Variants in SV2C observed in about 807,000 individuals in gnomAD.
SV2C encodes the protein synaptic vesicle glycoprotein 2C.
SV2C carries 49 observed loss-of-function variants against 79.7 expected under a neutral mutation model. That is an observed-to-expected ratio of 0.61 (90% CI 0.49 to 0.78). The LOEUF (loss-of-function observed/expected upper bound fraction) is 0.78. Ranked by LOEUF, SV2C falls within the 30% of genes least tolerant of loss-of-function variation. The pLI, the probability that SV2C is intolerant of heterozygous loss-of-function variation, is 0.00. For synonymous variants in SV2C, 334 were observed against 333.2 expected, an observed-to-expected ratio of 1.00 and a Z score of -0.03; for missense variants, 833 against 912.9, an observed-to-expected ratio of 0.91 and a Z score of 1.13.
At chr5:75,880,407 G>T in the SV2C span, among the ~76,000 whole-genome samples, 99 of 152,246 alleles carry the variant, frequency 6.5e-4, no homozygotes, top group African/African-American at 2.3e-3. Flanking sequence ...AGCATAGGTT[G>T]TTAGAAGAAG....
At chr5:76,319,523 C>T (rs369248864) in intron 12 of SV2C, among the ~76,000 whole-genome samples, 20 of 152,264 alleles carry the variant, frequency 1.3e-4, no homozygotes, top group Admixed American at 3.9e-4. Flanking sequence ...TCTTGAATGC[C>T]GACACTAATT....
chr5:76,169,078 A>G (rs1183716749), intron 2 of SV2C, among the ~76,000 whole-genome samples: 2 of 152,242 alleles, frequency 1.3e-5, no homozygotes, highest in African/African-American at 4.8e-5. Context: ...TCTGGGCATG[A>G]AAGAAAAATA....
the SV2C span, among the ~76,000 whole-genome samples, chr5:75,941,288 A>T: frequency 2.0e-5 from 3 of 152,242 alleles, no homozygotes; most frequent in Admixed American, 2.0e-4. Context: ...ACTGCCATTC[A>T]TGGTTTAAGA....
At chr5:76,233,147 T>C (rs919789179) in intron 4 of SV2C, among the ~76,000 whole-genome samples, 2 of 139,112 alleles carry the variant, frequency 1.4e-5, no homozygotes, top group Admixed American at 1.4e-4. Context: ...CTTGAAGAGG[T>C]CCTTCACATC....
chr5:76,065,578 AT>A, the SV2C span, among the ~76,000 whole-genome samples: 1 of 152,194 alleles, frequency 6.6e-6, no homozygotes, highest in Admixed American at 6.5e-5. Context: ...GAAATAAGAA[AT>A]AATCTTTAAC....
chr5:75,976,769 G>C, the SV2C span, among the ~76,000 whole-genome samples: 2 of 152,106 alleles, frequency 1.3e-5, no homozygotes, highest in Admixed American at 1.3e-4. Context: ...ATGAAAAAAT[G>C]ATATGCTCAA....
At chr5:75,954,974 G>A in the SV2C span, among the ~76,000 whole-genome samples, 1 of 149,028 alleles carries the variant, frequency 6.7e-6, no homozygotes, top group South Asian at 2.1e-4. Context: ...ATTGCCCAAG[G>A]TAATTTACAG....
Position 76,325,458 on chromosome 5 carries a change from A to G in SV2C, c.2095A>G (p.Ile699Val), listed in dbSNP as rs944188986. 5 of 1,614,024 alleles carry G rather than the reference A, an allele frequency of 3.1e-6. No individual in the cohort carries two copies. Among genetic ancestry groups the G allele is most frequent in the African/African-American group, 1.3e-5 (1 of 74,892 alleles). ...CTCTCTGGTCAGCATCACCAAATCA[A>G]TCCCCATCCTGCTGGCTTCTACTGT... ...FGSLVSITKS[I>V]PILLASTVLV... is the part of the protein sequence containing the mutation. The change falls in exon 13 of 13, where the codon ATC (isoleucine) becomes GTC (valine). Residue 699 changes from isoleucine to valine, a missense_variant. Transcript: ENST00000502798.
intron 1 of SV2C, among the ~76,000 whole-genome samples, chr5:76,099,968 T>C (rs534046187): frequency 6.6e-6 from 1 of 152,332 alleles, no homozygotes; most frequent in South Asian, 2.1e-4. Context: ...TTTTAGAACA[T>C]GCCCAAAGTC....
chr5:76,315,077 C>T (rs1001988777), intron 12 of SV2C, among the ~76,000 whole-genome samples: 2 of 152,018 alleles, frequency 1.3e-5, no homozygotes, highest in Non-Finnish European at 2.9e-5. Flanking sequence ...TCCAGGGATT[C>T]CTGTCAGCTC....
the SV2C span, among the ~76,000 whole-genome samples, chr5:76,002,170 G>GTA: frequency 2.3e-3 from 344 of 150,438 alleles, 1 homozygote; most frequent in South Asian, 6.8e-3. Context: ...TTTTGTGTGT[G>GTA]TATATATATA....
At chr5:76,162,401 A>G (rs1350732594) in intron 2 of SV2C, among the ~76,000 whole-genome samples, 1 of 152,210 alleles carries the variant, frequency 6.6e-6, no homozygotes, top group Non-Finnish European at 1.5e-5. Context: ...AGTACACTGA[A>G]TGCTGTATGG....
intron 1 of SV2C, among the ~76,000 whole-genome samples, chr5:76,121,977 C>G (rs534844686): frequency 6.6e-6 from 1 of 152,038 alleles, no homozygotes; most frequent in African/African-American, 2.4e-5. Context: ...GCCATTTTCA[C>G]GATATTGATT....
chr5:76,201,973 G>A (rs1225521370), intron 3 of SV2C, among the ~76,000 whole-genome samples: 2 of 133,724 alleles, frequency 1.5e-5, no homozygotes, highest in Non-Finnish European at 3.0e-5. Context: ...CTGAGCTCGC[G>A]CCACTGCACT....
chr5:76,017,957 G>A, the SV2C span, among the ~76,000 whole-genome samples: 1 of 152,110 alleles, frequency 6.6e-6, no homozygotes, highest in South Asian at 2.1e-4. Flanking sequence ...GGTTTTGAGA[G>A]GTGAGGCATG....
At chr5:75,919,048 A>G in the SV2C span, among the ~76,000 whole-genome samples, 1 of 152,212 alleles carries the variant, frequency 6.6e-6, no homozygotes, top group Non-Finnish European at 1.5e-5. Flanking sequence ...TCTCATATCC[A>G]AATGGGATTC....
intron 4 of SV2C, among the ~76,000 whole-genome samples, chr5:76,233,842 C>T (rs1207552944): frequency 6.6e-6 from 1 of 151,052 alleles, no homozygotes; most frequent in Non-Finnish European, 1.5e-5. Context: ...TTCGTTTTGC[C>T]AGTATTTTAT....
intron 4 of SV2C, among the ~76,000 whole-genome samples, chr5:76,278,511 G>T (rs769359371): frequency 4.6e-5 from 7 of 152,162 alleles, no homozygotes; most frequent in South Asian, 2.1e-4. Context: ...AGACTCCTAG[G>T]GGACAACATT....
chr5:76,260,051 A>G (rs1279432545), intron 4 of SV2C, among the ~76,000 whole-genome samples: 1 of 151,592 alleles, frequency 6.6e-6, no homozygotes, highest in Admixed American at 6.6e-5. Context: ...AACTAATTAA[A>G]CTCCCACTAA....
Sources: allele counts gnomAD v4.1 joint callset (sites outside exome capture counted in the v4.1 genomes callset), GRCh38; gene constraint gnomAD v4.1.1; transcripts MANE v1.5; gene names NCBI Gene and HGNC (gene_info 2026-07-23, HGNC 2026-07-21).